Variants in MVB12B observed in about 807,000 individuals in gnomAD.
MVB12B encodes the protein ESCRT-I complex subunit MVB12B.
MVB12B carries 16 observed loss-of-function variants against 41.6 expected under a neutral mutation model. The observed-to-expected ratio is 0.38, with a 90% CI of 0.26 to 0.58. The LOEUF is 0.58. Among genes scored for constraint, MVB12B ranks in the 20% least tolerant of loss-of-function variants. MVB12B has a pLI of 0.62. For missense variants in MVB12B, 274 were observed against 380.2 expected, an observed-to-expected ratio of 0.72 and a Z score of 2.32; for synonymous variants, 133 against 139.7, an observed-to-expected ratio of 0.95 and a Z score of 0.34.
chr9:126,454,671 G>A (rs1832944761), intron 7 of MVB12B, among the ~76,000 whole-genome samples: 1 of 152,248 alleles, frequency 6.6e-6, no homozygotes, highest in Admixed American at 6.5e-5. Flanking sequence ...AAATAAGTGA[G>A]ATGGAAGTGA....
chr9:126,348,090 C>G (rs973163073), intron 2 of MVB12B, among the ~76,000 whole-genome samples: 1 of 152,254 alleles, frequency 6.6e-6, no homozygotes, highest in African/African-American at 2.4e-5. Flanking sequence ...GAAATAACCA[C>G]AGACTTTGAG....
At chr9:126,422,368 T>C (rs1193783141) in intron 7 of MVB12B, among the ~76,000 whole-genome samples, 2 of 152,130 alleles carry the variant, frequency 1.3e-5, no homozygotes, top group Admixed American at 1.3e-4. Context: ...GGCCAGCGGG[T>C]ACACTGGCGG....
chr9:126,404,708 T>C (rs1827582133), intron 6 of MVB12B, among the ~76,000 whole-genome samples: 1 of 152,260 alleles, frequency 6.6e-6, no homozygotes, highest in Admixed American at 6.5e-5. Flanking sequence ...GGTCGCCGAC[T>C]GAGGGAACAT....
chr9:126,372,689 G>A (rs1328142290), intron 2 of MVB12B, among the ~76,000 whole-genome samples: 1 of 152,078 alleles, frequency 6.6e-6, no homozygotes, highest in Non-Finnish European at 1.5e-5. Flanking sequence ...TCATTTTTAG[G>A]TGAGGCTCAG....
intron 6 of MVB12B, among the ~76,000 whole-genome samples, chr9:126,401,843 C>T (rs2119026140): frequency 6.7e-6 from 1 of 148,694 alleles, no homozygotes; most frequent in Non-Finnish European, 1.5e-5. Context: ...GGGGCGGAGC[C>T]TTAGGTCACT....
chr9:126,458,719 A>G (rs919701044), intron 7 of MVB12B, among the ~76,000 whole-genome samples: 2 of 152,110 alleles, frequency 1.3e-5, no homozygotes, highest in Non-Finnish European at 2.9e-5. Context: ...CTTATACTTT[A>G]CTGTGACCAG....
At chr9:126,443,296 A>C (rs1328001532) in intron 7 of MVB12B, among the ~76,000 whole-genome samples, 4 of 152,084 alleles carry the variant, frequency 2.6e-5, no homozygotes. Context: ...CTGTCCCTCT[A>C]TCCTTCCACC....
chr9:126,365,667 G>T (rs539693871), intron 2 of MVB12B, among the ~76,000 whole-genome samples: 5 of 152,228 alleles, frequency 3.3e-5, no homozygotes, highest in Admixed American at 1.3e-4. Flanking sequence ...CCATGCAGTT[G>T]CTTATTAATA....
At chr9:126,500,478 G>A (rs1036426537) in intron 9 of MVB12B, among the ~76,000 whole-genome samples, 2 of 151,904 alleles carry the variant, frequency 1.3e-5, no homozygotes, top group African/African-American at 4.8e-5. Flanking sequence ...CCCATTCCCA[G>A]GTTCCAGTGA....
At chr9:126,428,951 C>T (rs377738337) in intron 7 of MVB12B, among the ~76,000 whole-genome samples, 9 of 152,158 alleles carry the variant, frequency 5.9e-5, no homozygotes, top group East Asian at 5.8e-4. Context: ...TGAGGTTCTT[C>T]GCTCCACAGA....
At chr9:126,501,014 G>C (rs910621240) in intron 9 of MVB12B, among the ~76,000 whole-genome samples, 2 of 152,252 alleles carry the variant, frequency 1.3e-5, no homozygotes, top group African/African-American at 4.8e-5. Flanking sequence ...GCCAGCCAGG[G>C]AATGAATTTG....
At chr9:126,393,372 A>G (rs993920684) in intron 5 of MVB12B, among the ~76,000 whole-genome samples, 1 of 152,184 alleles carries the variant, frequency 6.6e-6, no homozygotes, top group African/African-American at 2.4e-5. Context: ...GCCTGGTGCT[A>G]CAGTAGCTCC....
chr9:126,435,854 C>G (rs897338517), intron 7 of MVB12B, among the ~76,000 whole-genome samples: 1 of 152,240 alleles, frequency 6.6e-6, no homozygotes, highest in South Asian at 2.1e-4. Context: ...GATGTCCCGT[C>G]TCATGGCAGG....
chr9:126,458,177 C>T (rs1332275527), intron 7 of MVB12B, among the ~76,000 whole-genome samples: 1 of 152,186 alleles, frequency 6.6e-6, no homozygotes, highest in African/African-American at 2.4e-5. Flanking sequence ...GACCCCTATT[C>T]AGACAACACC....
intron 7 of MVB12B, among the ~76,000 whole-genome samples, chr9:126,457,804 A>G (rs1034404671): frequency 4.6e-5 from 7 of 152,160 alleles, no homozygotes; most frequent in Non-Finnish European, 1.0e-4. Context: ...TTTAAAGGCC[A>G]CCTTGTGTTT....
chr9:126,423,711 A>G (rs187607623), intron 7 of MVB12B, among the ~76,000 whole-genome samples: 79 of 152,298 alleles, frequency 5.2e-4, no homozygotes, highest in African/African-American at 1.8e-3. Context: ...AAGGCCTGCA[A>G]GCTCAGCACT....
intron 2 of MVB12B, among the ~76,000 whole-genome samples, chr9:126,356,942 C>T (rs559611093): frequency 6.6e-6 from 1 of 152,090 alleles, no homozygotes; most frequent in Non-Finnish European, 1.5e-5. Flanking sequence ...GCTGTAGAAC[C>T]ATGAGCCAAT....
At chr9:126,346,660 AAG>A (rs1829597612) in intron 2 of MVB12B, among the ~76,000 whole-genome samples, 1 of 152,028 alleles carries the variant, frequency 6.6e-6, no homozygotes, top group Non-Finnish European at 1.5e-5. Flanking sequence ...GTGGGACTAG[AAG>A]AGAGGGTGTG....
intron 7 of MVB12B, among the ~76,000 whole-genome samples, chr9:126,467,806 C>T (rs1382620476): frequency 1.3e-5 from 2 of 152,188 alleles, no homozygotes; most frequent in Non-Finnish European, 2.9e-5. Flanking sequence ...CAAGATGTTC[C>T]TGGCCTTTTC....
Sources: allele counts gnomAD v4.1 joint callset (sites outside exome capture counted in the v4.1 genomes callset), GRCh38; gene constraint gnomAD v4.1.1; transcripts MANE v1.5; gene names NCBI Gene and HGNC (gene_info 2026-07-23, HGNC 2026-07-21).